NRXN1: variants seen among roughly 807,000 people sequenced by gnomAD.
NRXN1 encodes neurexin 1.
A neutral mutation model predicts 150.9 loss-of-function variants in NRXN1; 39 were observed. The observed-to-expected ratio is 0.26, with a 90% CI of 0.20 to 0.34. The LOEUF (loss-of-function observed/expected upper bound fraction) is 0.34. Ranked by LOEUF, NRXN1 falls within the 10% of genes least tolerant of loss-of-function variation. NRXN1 has a pLI of 1.00. For missense variants in NRXN1, 1,815 were observed against 1,949.9 expected (o/e 0.93, Z 1.30); for synonymous variants, 924 against 757.0 (o/e 1.22, Z -3.62).
chr2:50,380,869 A>G (rs1169836393), intron 17 of NRXN1, among the ~76,000 whole-genome samples: 4 of 152,140 alleles, frequency 2.6e-5, no homozygotes, highest in African/African-American at 7.2e-5. Context: ...ACCAATAAAT[A>G]TTTCTTGTAA....
chr2:50,687,456 T>G (rs1366363230), intron 5 of NRXN1, among the ~76,000 whole-genome samples: 5 of 152,180 alleles, frequency 3.3e-5, no homozygotes, highest in Non-Finnish European at 7.3e-5. Context: ...TGCTTTATCA[T>G]TTTTTTCTCT....
In NRXN1 at chr2:51,017,072, G is replaced by A. The variant is rs182686374; in HGVS notation, c.772+10430C>T. Among the ~76,000 whole-genome samples, 842 of 151,946 alleles carry A rather than the reference G, an allele frequency of 5.5e-3. 4 individuals are homozygous for A. Among genetic ancestry groups the A allele is most frequent in the Non-Finnish European group, 8.6e-3 (583 of 67,954 alleles). On this transcript the variant is annotated intron_variant, in intron 2 of 22. Transcript: ENST00000401669. ...TAAATAATAAGAACACATGGACACA[G>A]GGAGGGGAACAGCACACACTGGGGC...
At chr2:50,971,046 G>C (rs2104785096) in intron 2 of NRXN1, among the ~76,000 whole-genome samples, 1 of 152,166 alleles carries the variant, frequency 6.6e-6, no homozygotes, top group Middle Eastern at 3.4e-3. Context: ...ATCAAGATTT[G>C]TGTTGACTTA....
chr2:50,871,050 G>T (rs1243512193), intron 5 of NRXN1, among the ~76,000 whole-genome samples: 1 of 151,796 alleles, frequency 6.6e-6, no homozygotes, highest in Non-Finnish European at 1.5e-5. Context: ...AAAATTATTT[G>T]AAAGTTTCAT....
intron 2 of NRXN1, among the ~76,000 whole-genome samples, chr2:51,004,195 G>A (rs1183336725): frequency 6.6e-6 from 1 of 151,896 alleles, no homozygotes; most frequent in African/African-American, 2.4e-5. Context: ...GCAAACTACT[G>A]CTCACACACC....
At chr2:50,590,417 A>G (rs1673965054) in intron 8 of NRXN1, among the ~76,000 whole-genome samples, 1 of 152,204 alleles carries the variant, frequency 6.6e-6, no homozygotes, top group Non-Finnish European at 1.5e-5. Flanking sequence ...ATTATAGACT[A>G]TTCTGTTAGT....
At chr2:50,510,633 T>C (rs1368732719) in intron 12 of NRXN1, among the ~76,000 whole-genome samples, 1 of 152,116 alleles carries the variant, frequency 6.6e-6, no homozygotes, top group Admixed American at 6.6e-5. Flanking sequence ...TGATTTTTAC[T>C]GTAACATATT....
intron 18 of NRXN1, among the ~76,000 whole-genome samples, chr2:50,188,111 T>C (rs754605588): frequency 6.6e-6 from 1 of 151,940 alleles, no homozygotes; most frequent in Non-Finnish European, 1.5e-5. Context: ...GTTCCAACAC[T>C]ATATTGAATA....
intron 18 of NRXN1, among the ~76,000 whole-genome samples, chr2:50,220,283 C>T (rs1559117227): frequency 6.6e-6 from 1 of 151,526 alleles, no homozygotes; most frequent in Non-Finnish European, 1.5e-5. Flanking sequence ...TCTGAATTCT[C>T]TGAACTAGGG....
intron 5 of NRXN1, among the ~76,000 whole-genome samples, chr2:50,690,107 G>C (rs1379556269): frequency 6.6e-6 from 1 of 151,992 alleles, no homozygotes; most frequent in Non-Finnish European, 1.5e-5. Context: ...GGCTGGTCTA[G>C]ACCTCTTGAC....
At chr2:50,312,645 G>A in intron 17 of NRXN1, 1 of 468,516 alleles carries the variant, frequency 2.1e-6, no homozygotes, top group Middle Eastern at 3.3e-4. Context: ...GGTATGTTTT[G>A]GAAGTAGGGG....
chr2:50,885,820 AAC>A (rs57614861), intron 5 of NRXN1, among the ~76,000 whole-genome samples: 1,598 of 143,654 alleles, frequency 0.011, 20 homozygotes, highest in African/African-American at 0.03. Context: ...TATTTCTATA[AAC>A]ACACACACAC....
intron 17 of NRXN1, among the ~76,000 whole-genome samples, chr2:50,331,943 G>C (rs551202006): frequency 5.5e-4 from 83 of 152,210 alleles, no homozygotes; most frequent in Non-Finnish European, 9.6e-4. Flanking sequence ...CCTACCCCCA[G>C]ATTACTCAAT....
chr2:50,302,632 A>C (rs2074261182), intron 17 of NRXN1, among the ~76,000 whole-genome samples: 2 of 152,146 alleles, frequency 1.3e-5, no homozygotes, highest in African/African-American at 4.8e-5. Context: ...GCTCTTATAT[A>C]AATGTGGCAT....
At chr2:50,730,765 C>A (rs577980129) in intron 5 of NRXN1, among the ~76,000 whole-genome samples, 7 of 150,960 alleles carry the variant, frequency 4.6e-5, no homozygotes, top group East Asian at 1.9e-4. Flanking sequence ...CTCCGCCTCC[C>A]GGGTTCACGC....
chr2:50,698,236 C>T (rs931745006), intron 5 of NRXN1, among the ~76,000 whole-genome samples: 8 of 152,202 alleles, frequency 5.3e-5, no homozygotes, highest in African/African-American at 1.4e-4. Context: ...CAAATGTTGT[C>T]CAAGGACATT....
intron 5 of NRXN1, among the ~76,000 whole-genome samples, chr2:50,718,614 G>A (rs1375722765): frequency 6.6e-6 from 1 of 152,122 alleles, no homozygotes; most frequent in Non-Finnish European, 1.5e-5. Flanking sequence ...GGCCAACCAA[G>A]GACGCTCACT....
At chr2:50,117,191 T>A (rs1703184739) in intron 18 of NRXN1, among the ~76,000 whole-genome samples, 1 of 152,178 alleles carries the variant, frequency 6.6e-6, no homozygotes, top group Admixed American at 6.6e-5. Context: ...TTTCAGCCCA[T>A]ATCCTTCTGC....
At chr2:50,483,490 C>G (rs2090632794) in intron 15 of NRXN1, among the ~76,000 whole-genome samples, 2 of 152,108 alleles carry the variant, frequency 1.3e-5, no homozygotes, top group Admixed American at 6.5e-5. Context: ...GGTTCAAGAA[C>G]CCTCTCTTGG....
Sources: gnomAD v4.1 joint callset for allele counts (sites outside exome capture counted in the v4.1 genomes callset) on GRCh38, gnomAD v4.1.1 for gene constraint, MANE v1.5 for transcripts, NCBI Gene and HGNC (gene_info 2026-07-23, HGNC 2026-07-21) for gene names.